ADAMTS10: variants seen among roughly 807,000 people sequenced by gnomAD.
The protein encoded by ADAMTS10 is A disintegrin and metalloproteinase with thrombospondin motifs 10.
ADAMTS10 carries 48 observed loss-of-function variants against 135.9 expected under a neutral mutation model. The observed-to-expected ratio is 0.35, with a 90% CI of 0.28 to 0.45. ADAMTS10 has a LOEUF of 0.45. ADAMTS10 is among the 20% of genes least tolerant of loss of function. ADAMTS10 has a pLI of 1.00. For missense variants in ADAMTS10, 1,131 were observed against 1,565.2 expected (o/e 0.72, Z 4.68); for synonymous variants, 621 against 647.5 (o/e 0.96, Z 0.62).
rs2042701952 is a variant in ADAMTS10 at position 8,604,812 on chromosome 19, CTCATTAA to C, written c.435+193_435+199del. ...CGAATTTTTTGAGATTGATGTTTAG[CTCATTAA>C]TTTTCAGCCTTACCTAAGGCTATAC... On this transcript the variant is annotated intron_variant, in intron 4 of 25. Coordinates refer to ENST00000597188, the MANE Select transcript of ADAMTS10 (RefSeq NM_030957.4). 4.7e-6 allele frequency: 3 copies of C among 644,226 alleles called. No individual in the cohort carries two copies. In the East Asian group the frequency reaches 8.3e-5, roughly 18 times the overall value. The allele number at this position is 644,226 out of a possible 1,614,324, so 39.9% of individuals were successfully genotyped here.
chr19:8,597,195 G>C (rs781836748), intron 7 of ADAMTS10, 39 bp downstream of exon 7: 2 of 1,613,988 alleles, frequency 1.2e-6, no homozygotes, highest in Non-Finnish European at 8.5e-7. Context: ...GGACATGCTG[G>C]TATGAAGGGG....
In ADAMTS10 at chr19:8,589,492, C is replaced by T. The variant is rs370179236; in HGVS notation, c.1994G>A (p.Arg665His). ...AAAVVDGTPC[R>H]PDTVDICVSG... ...GACGCAAATGTCCACCGTGTCTGGA[C>T]GGCAGGGTGTCCCGTCCACCACGGC... Residue 665 changes from arginine (R) to histidine (H), a missense_variant, in exon 17 of 26, where the codon CGT becomes CAT. Arg to His is a conservative substitution (Grantham distance 29). Coordinates refer to ENST00000597188, the MANE Select transcript of ADAMTS10 (RefSeq NM_030957.4). The T allele has an allele frequency of 1.3e-4, 213 of 1,613,414 alleles. No homozygotes were observed. Among genetic ancestry groups the T allele is most frequent in the Non-Finnish European group, 1.7e-4 (200 of 1,179,916 alleles).
At chr19:8,595,550 A>AT in intron 12 of ADAMTS10, 1 of 716,566 alleles carries the variant, frequency 1.4e-6, no homozygotes, top group Non-Finnish European at 2.3e-6. Context: ...AGGTGATCCC[A>AT]TTTTTGTTCC....
rs781996344 is a variant in ADAMTS10, at chr19:8,586,832, G to A, written c.2223C>T (p.Leu741=). The A allele has an allele frequency of 6.2e-7, 1 of 1,614,160 alleles. No homozygotes were observed. Among genetic ancestry groups the A allele is most frequent in the South Asian group, 1.1e-5 (1 of 91,074 alleles). Residue 741 remains leucine, a synonymous_variant, in exon 19 of 26, where the codon CTC becomes CTT. Coordinates refer to ENST00000597188, the MANE Select transcript of ADAMTS10 (RefSeq NM_030957.4). Reference sequence around the variant, plus strand: ...TCTGCTCACCCAAGTGACTGAGAGAGAGGTTCAGATCCTGGATGAAGATGT... The same window carrying A: ...TCTGCTCACCCAAGTGACTGAGAGAAAGGTTCAGATCCTGGATGAAGATGT... ...SVHIFIQDLN[L]SLSHLALKGD...
rs1441445631 is a variant in ADAMTS10 at position 8,589,956 on chromosome 19, C to T, written c.1833G>A (p.Val611=). 4 of 1,613,892 alleles carry T rather than the reference C, an allele frequency of 2.5e-6. No individual in the cohort carries two copies. The highest frequency in any genetic ancestry group is 2.7e-5 in the African/African-American group (2 of 74,896). ...GGATGCTGTCAAATTCAGAACACTG[C>T]ACTTCTCTGAAGTCCTGGGAGCCAG... ...CPPGSQDFRE[V]QCSEFDSIPF... Residue 611 remains valine, a synonymous_variant, in exon 16 of 26, where the codon GTG becomes GTA. Transcript: ENST00000597188.
chr19:8,605,028 C>G lies in ADAMTS10; in HGVS notation c.419G>C (p.Ser140Thr). Reference protein sequence around the residue: ...GQASSSHVAISTCGGLHGLIV... With the variant: ...GQASSSHVAITTCGGLHGLIV... ...TCAGCTCACCAGGCCTCCACAGGTGCTGATGGCCACATGGGAGCTGCTGGC... is the reference window on the plus strand; with the variant it reads ...TCAGCTCACCAGGCCTCCACAGGTGGTGATGGCCACATGGGAGCTGCTGGC... Residue 140 changes from serine to threonine, a missense_variant, in exon 4 of 26, where the codon AGC (serine) becomes ACC (threonine). By Grantham distance (58) the Ser-to-Thr change is moderately conservative (BLOSUM62 1). This residue lies in a region of ADAMTS10 where 306 missense variants were observed against 344.4 expected (regional missense o/e 0.89). Coordinates refer to ENST00000597188, the MANE Select transcript of ADAMTS10 (RefSeq NM_030957.4). This position sits in a 1 kb window ranked among gnomAD's most constrained non-coding sequence, Gnocchi z 7.7. 6.2e-7 allele frequency: 1 copy of G among 1,607,776 alleles called. No homozygotes were observed. The highest frequency in any genetic ancestry group is 8.5e-7 in the Non-Finnish European group (1 of 1,177,688).
intron 6 of ADAMTS10, 39 bp downstream of exon 6, chr19:8,600,889 T>C: frequency 6.2e-7 from 1 of 1,611,964 alleles, no homozygotes; most frequent in Non-Finnish European, 8.5e-7. Context: ...TGGCTCCAAG[T>C]CCTCAGGGCT....
In ADAMTS10 at chr19:8,580,794, C is replaced by T. The variant is rs2042333549; in HGVS notation, c.*99G>A. On this transcript the variant is annotated 3_prime_UTR_variant, in exon 26 of 26. Coordinates refer to ENST00000597188, the MANE Select transcript of ADAMTS10 (RefSeq NM_030957.4). ...AACTTCCGGCTCCGTCTCACCCTTC[C>T]CTCCCAGTTCCCGCCCCCCCGGGGC... 1.2e-5 allele frequency: 11 copies of T among 911,608 alleles called. No homozygotes were observed. Among genetic ancestry groups the T allele is most frequent in the Non-Finnish European group, 1.9e-5 (11 of 587,018 alleles). The allele number at this position is 911,608 out of a possible 1,614,324, so 56.5% of individuals were successfully genotyped here. A position where few individuals can be genotyped will look rare whatever the true frequency, so the allele number is the denominator to read the frequency against.
Position 8,596,955 on chromosome 19 carries a change from G to T in ADAMTS10, c.1040+32C>A. On this transcript the variant is annotated intron_variant, in intron 8 of 25. Coordinates refer to ENST00000597188, the MANE Select transcript of ADAMTS10 (RefSeq NM_030957.4). This position sits in a 1 kb window ranked among gnomAD's most constrained non-coding sequence, Gnocchi z 7.2. ...GTTCCCTGGACCATCTGTTTTCTCA[G>T]CCCCAGTCCTAGACCTCTCCTGTCC... 1 of 1,609,270 alleles carries T rather than the reference G, an allele frequency of 6.2e-7. No homozygotes were observed.
rs528015389 is a variant in ADAMTS10 at position 8,605,674 on chromosome 19, C to T, written c.37G>A (p.Ala13Thr). 12 of 1,613,174 alleles carry T rather than the reference C, an allele frequency of 7.4e-6. No homozygotes were observed. The highest frequency in any genetic ancestry group is 2.2e-5 in the East Asian group (1 of 44,860). The change falls in exon 3 of 26, where the codon GCC becomes ACC. Residue 13 changes from alanine (A) to threonine (T), a missense_variant. Ala to Thr is a moderately conservative substitution (Grantham distance 58, BLOSUM62 0). Coordinates refer to ENST00000597188, the MANE Select transcript of ADAMTS10 (RefSeq NM_030957.4). This position sits in a 1 kb window ranked among gnomAD's most constrained non-coding sequence, Gnocchi z 7.7. ...TCGAACATGAGGCCCAGCCCCAGGG[C>T]GAGGGCCCAGCGGAGGATCTGGCAG... ...PACQILRWAL[A>T]LGLGLMFEVT...
chr19:8,603,802 T>C lies in ADAMTS10; in HGVS notation c.518A>G (p.Glu173Gly), dbSNP rs187757286. The C allele has an allele frequency of 1.7e-5, 27 of 1,614,110 alleles. No individual in the cohort carries two copies. The African/African-American group carries it at 2.7e-4, about 16-fold the overall frequency. ...CTTGTACACCACATGTGGTCCACTT[T>C]CCTCCGGGCTCCGAGAACCCTTGGG... Reference protein sequence around the residue: ...GGPKGSRSPEESGPHVVYKRS... With the variant: ...GGPKGSRSPEGSGPHVVYKRS... Residue 173 changes from glutamate to glycine, a missense_variant, in exon 5 of 26, where the codon GAA (glutamate) becomes GGA (glycine). Around this residue, in one of 3 missense-constraint regions of ADAMTS10, gnomAD observed 306 missense variants for 344.4 expected, o/e 0.89. Transcript: ENST00000597188.
chr19:8,596,981 C>T lies in ADAMTS10; in HGVS notation c.1040+6G>A. 6.2e-7 allele frequency: 1 copy of T among 1,613,044 alleles called. No homozygotes were observed. Among genetic ancestry groups the T allele is most frequent in the South Asian group, 1.1e-5 (1 of 91,054 alleles). On this transcript the variant is annotated splice_donor_region_variant and intron_variant, in intron 8 of 25. Transcript: ENST00000597188. The surrounding 1 kb of genome is among the most constrained non-coding windows in gnomAD (Gnocchi z 7.2). ...CCCCAGTCCTAGACCTCTCCTGTCC[C>T]CTCACCGTGTGATGAGCACTGCTGT...
At position 8,588,799 on chromosome 19, in the gene ADAMTS10, CT is replaced by C. The variant is rs1314378307; in HGVS notation, c.2158+442del. On this transcript the variant is annotated intron_variant, in intron 18 of 25. Coordinates refer to ENST00000597188, the MANE Select transcript of ADAMTS10 (RefSeq NM_030957.4). ...TCGGGCTCCTGTCTCCTGAGACACT[CT>C]TTTTTTTTTGAGACAGAGCCTCGCT... Among the ~76,000 whole-genome samples, 15 of 148,182 alleles carry C rather than the reference CT, an allele frequency of 1.0e-4. No individual in the cohort carries two copies. In the South Asian group the frequency reaches 2.0e-3, roughly 19 times the overall value.
chr19:8,605,514 T>TC lies in ADAMTS10; in HGVS notation c.88+108dup. ...CTCCCGCCTATTGACCCCAGGGCCT[T>TC]CCCCCATTGACCCCCATCCCAGCCC... On this transcript the variant is annotated intron_variant, in intron 3 of 25. Coordinates refer to ENST00000597188, the MANE Select transcript of ADAMTS10 (RefSeq NM_030957.4). The surrounding 1 kb of genome is among the most constrained non-coding windows in gnomAD (Gnocchi z 7.7). 6.8e-6 allele frequency: 10 copies of TC among 1,461,912 alleles called. No homozygotes were observed. The highest frequency in any genetic ancestry group is 1.4e-5 in the African/African-American group (1 of 71,386). 90.6% of individuals were successfully genotyped at this position (1,461,912 alleles called of 1,614,324 possible).
Position 8,596,843 on chromosome 19 carries a change from T to C in ADAMTS10, c.1040+144A>G, listed in dbSNP as rs1367736219. 4.4e-5 allele frequency: 59 copies of C among 1,344,842 alleles called. 1 individual carries two copies. In the East Asian group the frequency reaches 1.3e-3, roughly 29 times the overall value. 83.3% of individuals were successfully genotyped at this position (1,344,842 alleles called of 1,614,324 possible). A position where few individuals can be genotyped will look rare whatever the true frequency, so the allele number is the denominator to read the frequency against. On this transcript the variant is annotated intron_variant, in intron 8 of 25. Transcript: ENST00000597188. This position sits in a 1 kb window ranked among gnomAD's most constrained non-coding sequence, Gnocchi z 7.2. ...TTACCCATTATTCTCAAGCAGCCCC[T>C]CCCCATCCCTGGCTCCCTCATGGGC... is the stretch of plus-strand genomic sequence containing the variant.
At chr19:8,584,858 G>T (rs2042401597) in intron 25 of ADAMTS10, 37 bp downstream of exon 25, 1 of 1,547,538 alleles carries the variant, frequency 6.5e-7, no homozygotes, top group East Asian at 2.4e-5. Context: ...CTCTGGCCAG[G>T]ACCCTCCTGG....
In ADAMTS10 at chr19:8,605,597, C is replaced by A; in HGVS notation, c.88+26G>T. On this transcript the variant is annotated intron_variant, in intron 3 of 25. Transcript: ENST00000597188. The surrounding 1 kb of genome is among the most constrained non-coding windows in gnomAD (Gnocchi z 7.7). ...TCTCTTACATTTTTCGCTCCCTCCCCACCGCCACCACCAGACTTCCCCTAC... is the reference window on the plus strand; with the variant it reads ...TCTCTTACATTTTTCGCTCCCTCCCAACCGCCACCACCAGACTTCCCCTAC... The A allele has an allele frequency of 6.2e-7, 1 of 1,610,858 alleles. No homozygotes were observed. Among genetic ancestry groups the A allele is most frequent in the South Asian group, 1.1e-5 (1 of 90,420 alleles).
Position 8,585,004 on chromosome 19 carries a change from G to C in ADAMTS10, c.3093C>G (p.Thr1031=), listed in dbSNP as rs1197348942. The C allele has an allele frequency of 1.3e-6, 2 of 1,540,778 alleles. No homozygotes were observed. Among genetic ancestry groups the C allele is most frequent in the Admixed American group, 3.9e-5 (2 of 50,820 alleles). Residue 1031 remains threonine (T), a synonymous_variant, in exon 25 of 26, where the codon ACC becomes ACG. Coordinates refer to ENST00000597188, the MANE Select transcript of ADAMTS10 (RefSeq NM_030957.4). Reference sequence around the variant, plus strand: ...CGTGCGACGCCTGGCCCGTGTGGCTGGTGCAGCGCACCGAGCGCTGCCGCT... The same window carrying C: ...CGTGCGACGCCTGGCCCGTGTGGCTCGTGCAGCGCACCGAGCGCTGCCGCT... ...VGQRQRSVRC[T]SHTGQASHEC...
chr19:8,606,419 T>C (rs533353285), intron 2 of ADAMTS10, among the ~76,000 whole-genome samples: 1 of 152,276 alleles, frequency 6.6e-6, no homozygotes. Flanking sequence ...CTCTTTTTTT[T>C]GAGATGGAGT....
Sources: gnomAD v4.1 joint callset for allele counts (sites outside exome capture counted in the v4.1 genomes callset) on GRCh38, gnomAD v4.1.1 for gene constraint, gnomAD v4.1.1 regional missense constraint, Gnocchi (gnomAD v3.1) non-coding constraint, MANE v1.5 for transcripts, NCBI Gene and HGNC (gene_info 2026-07-23, HGNC 2026-07-21) for gene names.